Variants in FLOT1 observed in about 807,000 individuals in gnomAD.
The protein encoded by FLOT1 is flotillin 1.
A neutral mutation model predicts 58.4 loss-of-function variants in FLOT1; 40 were observed. The ratio of observed to expected loss-of-function variants is 0.69; its 90% CI spans 0.53 to 0.89. FLOT1 has a LOEUF of 0.89. Among genes scored for constraint, FLOT1 ranks in the 40% least tolerant of loss-of-function variants. FLOT1 has a pLI of 0.00. For missense variants in FLOT1, 423 were observed against 540.8 expected (o/e 0.78, Z 2.16); for synonymous variants, 178 against 204.2 (o/e 0.87, Z 1.09).
rs886776683 is a variant in FLOT1 at position 30,737,022 on chromosome 6, G to C, written c.723+3136C>G. On this transcript the variant is annotated intron_variant, in intron 8 of 12. Coordinates refer to ENST00000376389, the MANE Select transcript of FLOT1 (RefSeq NM_005803.4). The surrounding 1 kb of genome is among the most constrained non-coding windows in gnomAD (Gnocchi z 4.4). ...TCCACTGTGCTTTCAGTTCTCTTCT[G>C]TGTCTCCATCGTGACCACACAAACC... Among the ~76,000 whole-genome samples the C allele has an allele frequency of 1.3e-5, 2 of 151,900 alleles. No individual in the cohort carries two copies. Among genetic ancestry groups the C allele is most frequent in the African/African-American group, 4.8e-5 (2 of 41,336 alleles).
chr6:30,730,735 C>A lies in FLOT1; in HGVS notation c.906-8G>T. On this transcript the variant is annotated splice_region_variant and splice_polypyrimidine_tract_variant and intron_variant, in intron 9 of 12. Transcript: ENST00000376389. Reference sequence around the variant, plus strand: ...TGCATAATTAGTTGGGACCTGTGGACAGAAGGGAAGTGGAGGGTGGAGCCC... The same window carrying A: ...TGCATAATTAGTTGGGACCTGTGGAAAGAAGGGAAGTGGAGGGTGGAGCCC... The A allele has an allele frequency of 6.2e-7, 1 of 1,613,170 alleles. No homozygotes were observed. Among genetic ancestry groups the A allele is most frequent in the Non-Finnish European group, 8.5e-7 (1 of 1,180,038 alleles).
chr6:30,731,354 G>A (rs1386386662), intron 8 of FLOT1, among the ~76,000 whole-genome samples: 2 of 151,922 alleles, frequency 1.3e-5, no homozygotes, highest in Non-Finnish European at 2.9e-5. Flanking sequence ...GTGTGGTGGC[G>A]AATGCCTGTA....
chr6:30,741,283 C>A lies in FLOT1; in HGVS notation c.261G>T (p.Met87Ile). The A allele has an allele frequency of 6.2e-7, 1 of 1,613,100 alleles. No individual in the cohort carries two copies. The highest frequency in any genetic ancestry group is 1.1e-5 in the South Asian group (1 of 91,084). ...NKEMLAAACQ[M>I]FLGKTEAEIA... ...TCTCAGCCTCCGTCTTCCCCAGGAA[C>A]ATCTGACAGGCGGCCGCCAACATCT... Residue 87 changes from methionine to isoleucine, a missense_variant, in exon 5 of 13, where the codon ATG (methionine) becomes ATT (isoleucine). Transcript: ENST00000376389. The surrounding 1 kb of genome is among the most constrained non-coding windows in gnomAD (Gnocchi z 5.9).
intron 5 of FLOT1, 177 bp from the exon 6 acceptor site, chr6:30,740,975 A>T (rs1777936765): frequency 1.8e-6 from 2 of 1,126,296 alleles, no homozygotes; most frequent in African/African-American, 1.6e-5. Flanking sequence ...GTAGTAGAGA[A>T]GGGGTTTCAC....
At position 30,741,729 on chromosome 6, in the gene FLOT1, AG is replaced by A; in HGVS notation, c.120-26del. The A allele has an allele frequency of 6.2e-7, 1 of 1,610,008 alleles. No individual in the cohort carries two copies. Among genetic ancestry groups the A allele is most frequent in the Non-Finnish European group, 8.5e-7 (1 of 1,177,224 alleles). On this transcript the variant is annotated intron_variant, in intron 3 of 12. Transcript: ENST00000376389. This position sits in a 1 kb window ranked among gnomAD's most constrained non-coding sequence, Gnocchi z 5.9. ...CCTAGGGGAAAAAGAAGGGACAGAC[AG>A]TAAGAAGAGGAGGAAAAAGAGAAAA...
At chr6:30,734,046 GAAAAAAAAAAAAAA>G (rs796499603) in intron 8 of FLOT1, among the ~76,000 whole-genome samples, 1 of 48,804 alleles carries the variant, frequency 2.0e-5, no homozygotes, top group Non-Finnish European at 4.1e-5. Flanking sequence ...CCCTGTCTCT[GAAAAAAAAAAAAAA>G]AAAAAAAAAA....
At chr6:30,735,420 T>C (rs2127771368) in intron 8 of FLOT1, among the ~76,000 whole-genome samples, 1 of 149,482 alleles carries the variant, frequency 6.7e-6, no homozygotes, top group South Asian at 2.1e-4. Flanking sequence ...GAGACCAGCC[T>C]GGCCGACATG....
At chr6:30,738,421 G>A (rs1777738816) in intron 8 of FLOT1, among the ~76,000 whole-genome samples, 1 of 152,166 alleles carries the variant, frequency 6.6e-6, no homozygotes, top group Non-Finnish European at 1.5e-5. Context: ...TATCCTTTGG[G>A]TAAAGGTCTC....
At chr6:30,730,799 G>A in intron 9 of FLOT1, 72 bp from the exon 10 acceptor site, 1 of 1,607,256 alleles carries the variant, frequency 6.2e-7, no homozygotes, top group Non-Finnish European at 8.5e-7. Context: ...CAGTGCTGCA[G>A]AGGCAGACGC....
intron 8 of FLOT1, 136 bp downstream of exon 8, chr6:30,740,022 G>T: frequency 1.3e-6 from 1 of 783,282 alleles, no homozygotes. Context: ...CTCCTCATAT[G>T]GGGGAGTTGG....
Position 30,737,446 on chromosome 6 carries a change from G to A in FLOT1, c.723+2712C>T, listed in dbSNP as rs1024362528. On this transcript the variant is annotated intron_variant, in intron 8 of 12. Coordinates refer to ENST00000376389, the MANE Select transcript of FLOT1 (RefSeq NM_005803.4). This position sits in a 1 kb window ranked among gnomAD's most constrained non-coding sequence, Gnocchi z 4.4. ...TAATATTTTTTGTATTTTTGGTAGAGACAGGGTTTCACTGTTGGCCAGACT... is the reference window on the plus strand; with the variant it reads ...TAATATTTTTTGTATTTTTGGTAGAAACAGGGTTTCACTGTTGGCCAGACT... Among the ~76,000 whole-genome samples, 2 of 152,088 alleles carry A rather than the reference G, an allele frequency of 1.3e-5. No homozygotes were observed. The highest frequency in any genetic ancestry group is 1.3e-4 in the Admixed American group (2 of 15,264).
In FLOT1 at chr6:30,741,544, G is replaced by A. The variant is rs1406167159; in HGVS notation, c.210+70C>T. The A allele has an allele frequency of 1.5e-6, 2 of 1,347,728 alleles. No homozygotes were observed. Among genetic ancestry groups the A allele is most frequent in the Non-Finnish European group, 2.1e-6 (2 of 940,268 alleles). The allele number at this position is 1,347,728 out of a possible 1,614,324, so 83.5% of individuals were successfully genotyped here. A position where few individuals can be genotyped will look rare whatever the true frequency, so the allele number is the denominator to read the frequency against. The stretch of plus-strand genomic sequence containing the variant: ...AGGGTTGAGAAGACTGTGGCCAGAA[G>A]ATGTCTTAATGTCTGGGAGAGAGGG... On this transcript the variant is annotated intron_variant, in intron 4 of 12. Transcript: ENST00000376389. The surrounding 1 kb of genome is among the most constrained non-coding windows in gnomAD (Gnocchi z 5.9).
At chr6:30,739,363 TTC>T (rs1363231197) in intron 8 of FLOT1, among the ~76,000 whole-genome samples, 1 of 151,066 alleles carries the variant, frequency 6.6e-6, no homozygotes, top group African/African-American at 2.4e-5. Context: ...CTTCTTGGCC[TTC>T]TCTTTTTTTT....
chr6:30,736,395 T>C (rs1314724487), intron 8 of FLOT1: 2 of 149,528 alleles, frequency 1.3e-5, no homozygotes, highest in African/African-American at 4.9e-5. Context: ...TTGAGATAAC[T>C]CACTACCTTT....
chr6:30,741,212 ATGGCCCTCTGG>A lies in FLOT1; in HGVS notation c.321_331del (p.Gln108HisfsTer11). On this transcript the variant is annotated frameshift_variant, in exon 5 of 13. Coordinates refer to ENST00000376389, the MANE Select transcript of FLOT1 (RefSeq NM_005803.4). LOFTEE classifies it high-confidence loss of function. The surrounding 1 kb of genome is among the most constrained non-coding windows in gnomAD (Gnocchi z 5.9). ...AACCTCCACAGTCATGTGGGCCATG[ATGGCCCTCTGG>A]TGGCCCTCTAACGTCTCCAGGGCAA... The A allele has an allele frequency of 6.2e-7, 1 of 1,613,042 alleles. No individual in the cohort carries two copies. The highest frequency in any genetic ancestry group is 8.5e-7 in the Non-Finnish European group (1 of 1,180,028).
chr6:30,736,993 G>A (rs1249677055), intron 8 of FLOT1, among the ~76,000 whole-genome samples: 2 of 151,944 alleles, frequency 1.3e-5, no homozygotes, highest in Non-Finnish European at 2.9e-5. Context: ...TTCTCCAATA[G>A]CTTTCCACTG....
Position 30,727,942 on chromosome 6 carries a change from G to T in FLOT1, c.*174C>A. The T allele has an allele frequency of 3.0e-6, 2 of 671,714 alleles. No individual in the cohort carries two copies. Among genetic ancestry groups the T allele is most frequent in the South Asian group, 1.7e-5 (1 of 59,878 alleles). The allele number at this position is 671,714 out of a possible 1,614,324, so 41.6% of individuals were successfully genotyped here. A position where few individuals can be genotyped will look rare whatever the true frequency, so the allele number is the denominator to read the frequency against. On this transcript the variant is annotated 3_prime_UTR_variant, in exon 13 of 13. Transcript: ENST00000376389. Reference sequence around the variant, plus strand: ...TTGGCAATCATAGCAGTGTGAGGTTGGCAAGGGGAGCAACCCCCTTCAAGA... The same window carrying T: ...TTGGCAATCATAGCAGTGTGAGGTTTGCAAGGGGAGCAACCCCCTTCAAGA...
intron 8 of FLOT1, among the ~76,000 whole-genome samples, chr6:30,735,300 G>A (rs1193592114): frequency 6.6e-6 from 1 of 151,950 alleles, no homozygotes; most frequent in African/African-American, 2.4e-5. Context: ...ACATCCTCTA[G>A]TCTACTCTCT....
Position 30,740,518 on chromosome 6 carries a change from G to A in FLOT1, c.548C>T (p.Ala183Val), listed in dbSNP as rs758309450. Reference protein sequence around the residue: ...QKDARIGEAEAKRDAGIREAK... With the variant: ...QKDARIGEAEVKRDAGIREAK... Reference sequence around the variant, plus strand: ...CACCCGGATCCCAGCATCTCTCTTGGCCTCTGCTTCTCCAATCCGTGCATC... The same window carrying A: ...CACCCGGATCCCAGCATCTCTCTTGACCTCTGCTTCTCCAATCCGTGCATC... The change falls in exon 7 of 13, where the codon GCC becomes GTC. Residue 183 changes from alanine (A) to valine (V), a missense_variant. By Grantham distance (64) the Ala-to-Val change is moderately conservative. Transcript: ENST00000376389. 6.2e-7 allele frequency: 1 copy of A among 1,612,836 alleles called. No individual in the cohort carries two copies. The highest frequency in any genetic ancestry group is 8.5e-7 in the Non-Finnish European group (1 of 1,180,026).
Sources: allele counts gnomAD v4.1 joint callset (sites outside exome capture counted in the v4.1 genomes callset), GRCh38; gene constraint gnomAD v4.1.1; non-coding constraint Gnocchi (gnomAD v3.1); transcripts MANE v1.5; gene names NCBI Gene and HGNC (gene_info 2026-07-23, HGNC 2026-07-21).